INF2: variants seen among roughly 807,000 people sequenced by gnomAD.
INF2 encodes inverted formin-2.
In INF2, 43 loss-of-function variants were observed where a neutral mutation model predicts 123.5. The ratio of observed to expected loss-of-function variants is 0.35; its 90% CI spans 0.27 to 0.45. The LOEUF (loss-of-function observed/expected upper bound fraction) is 0.45. Ranked by LOEUF, INF2 falls within the 20% of genes least tolerant of loss-of-function variation. INF2 has a pLI of 1.00. For missense variants in INF2, 1,453 were observed against 1,682.7 expected, an observed-to-expected ratio of 0.86 and a Z score of 2.39; for synonymous variants, 851 against 745.0, an observed-to-expected ratio of 1.14 and a Z score of -2.32.
At chr14:104,683,764 AG>A (rs1224965097) in intron 1 of INF2, among the ~76,000 whole-genome samples, 1 of 152,080 alleles carries the variant, frequency 6.6e-6, no homozygotes, top group Non-Finnish European at 1.5e-5. Flanking sequence ...CTTCCCTCCA[AG>A]ATCATCAGGC....
Position 104,714,317 on chromosome 14 carries a change from C to A in INF2, c.3155C>A (p.Ala1052Asp), listed in dbSNP as rs967496904. Residue 1052 changes from alanine to aspartate, a missense_variant, in exon 21 of 23, where the codon GCC (alanine) becomes GAC (aspartate). Ala to Asp is a moderately radical substitution (Grantham distance 126, BLOSUM62 -2). Around this residue, in one of 8 missense-constraint regions of INF2, gnomAD observed 344 missense variants for 333.1 expected, o/e 1.03. Transcript: ENST00000392634. The stretch of plus-strand genomic sequence containing the variant: ...TCCCGGGGCTGGGACCTTGTAGACG[C>A]CGTGACCCCCGGCCCTCAGCCCACC... ...SESRGWDLVD[A>D]VTPGPQPTLE... 2 of 1,589,260 alleles carry A rather than the reference C, an allele frequency of 1.3e-6. No homozygotes were observed. The highest frequency in any genetic ancestry group is 2.7e-5 in the African/African-American group (2 of 74,290).
At position 104,703,460 on chromosome 14, in the gene INF2, C is replaced by T. The variant is rs1043164958; in HGVS notation, c.667+6C>T. ...GCTGCGGAACGAGTTTATCGGTAAG[C>T]ACCTGCCCTGGGCCGCATGCCCGCT... On this transcript the variant is annotated splice_donor_region_variant and intron_variant, in intron 4 of 22. Transcript: ENST00000392634. The T allele has an allele frequency of 1.9e-6, 3 of 1,611,150 alleles. No individual in the cohort carries two copies. Among genetic ancestry groups the T allele is most frequent in the Non-Finnish European group, 2.5e-6 (3 of 1,179,934 alleles).
intron 1 of INF2, among the ~76,000 whole-genome samples, chr14:104,683,034 C>G (rs1888565217): frequency 2.2e-5 from 3 of 137,830 alleles, no homozygotes; most frequent in African/African-American, 8.7e-5. Flanking sequence ...CTCAAGCGGT[C>G]CACCCTCCCG....
In INF2 at chr14:104,705,979, C is replaced by T. The variant is rs573841622; in HGVS notation, c.702-56C>T. On this transcript the variant is annotated intron_variant, in intron 5 of 22. Coordinates refer to ENST00000392634, the MANE Select transcript of INF2 (RefSeq NM_022489.4). ...ACTGGCGCTGACCCAGGCTGCCCCGCCTGCGTGTTGGTGGTGGCAGCAGCA... is the reference window on the plus strand; with the variant it reads ...ACTGGCGCTGACCCAGGCTGCCCCGTCTGCGTGTTGGTGGTGGCAGCAGCA... The T allele has an allele frequency of 3.8e-4, 605 of 1,585,828 alleles. 4 individuals carry two copies. The South Asian group carries it at 6.4e-3, about 17-fold the overall frequency.
rs145433784 is a variant in INF2, at chr14:104,699,080, G to T, written c.-9-2277G>T. Among the ~76,000 whole-genome samples the T allele has an allele frequency of 3.6e-3, 548 of 152,260 alleles. 1 individual carries two copies. Among genetic ancestry groups the T allele is most frequent in the African/African-American group, 0.012 (504 of 41,532 alleles). On this transcript the variant is annotated intron_variant, in intron 1 of 22. Coordinates refer to ENST00000392634, the MANE Select transcript of INF2 (RefSeq NM_022489.4). This position sits in a 1 kb window ranked among gnomAD's most constrained non-coding sequence, Gnocchi z 4.7. ...GGAGCGCTGGGCAGTGCCAAGAGGG[G>T]CAGTACTCAGGTCAGGGAGCATCTT... is the stretch of plus-strand genomic sequence containing the variant.
chr14:104,717,295 T>TCC lies in INF2; in HGVS notation c.*2-1492_*2-1491dup, dbSNP rs35581629. On this transcript the variant is annotated intron_variant, in intron 22 of 22. Coordinates refer to ENST00000392634, the MANE Select transcript of INF2 (RefSeq NM_022489.4). Reference sequence around the variant, plus strand: ...GCAGGGTGCGCTGCCGTCCTCCCAGTCCCCCCCCCGGGCAGGGCGCGCTGC... The same window carrying TCC: ...GCAGGGTGCGCTGCCGTCCTCCCAGTCCCCCCCCCCCGGGCAGGGCGCGCTGC... Among the ~76,000 whole-genome samples the TCC allele has an allele frequency of 4.7e-3, 429 of 92,136 alleles. 24 individuals carry two copies. The highest frequency in any genetic ancestry group is 0.015 in the South Asian group (40 of 2,732). The allele number at this position is 92,136 out of a possible 152,430, so 60.4% of individuals were successfully genotyped here. A position where few individuals can be genotyped will look rare whatever the true frequency, so the allele number is the denominator to read the frequency against.
chr14:104,699,728 G>A lies in INF2; in HGVS notation c.-9-1629G>A, dbSNP rs1889381937. ...CCAGGACCCCCTGCAGGGAGGAGGG[G>A]CATCCCAAGGACAGCCTCTCAGGAT... On this transcript the variant is annotated intron_variant, in intron 1 of 22. Coordinates refer to ENST00000392634, the MANE Select transcript of INF2 (RefSeq NM_022489.4). This position sits in a 1 kb window ranked among gnomAD's most constrained non-coding sequence, Gnocchi z 4.7. The A allele has an allele frequency of 5.6e-6, 2 of 356,314 alleles. No homozygotes were observed. Among genetic ancestry groups the A allele is most frequent in the Non-Finnish European group, 3.9e-6 (1 of 254,846 alleles). 22.1% of individuals were successfully genotyped at this position (356,314 alleles called of 1,614,324 possible).
upstream of INF2, chr14:104,684,787 G>A (rs572838817): frequency 6.6e-6 from 1 of 152,390 alleles, no homozygotes; most frequent in South Asian, 2.1e-4. This position sits in a 1 kb window ranked among gnomAD's most constrained non-coding sequence, Gnocchi z 5.0. Flanking sequence ...TTGACAGAGT[G>A]AATGCCGAAC....
chr14:104,718,454 C>A (rs1890417608), intron 22 of INF2, among the ~76,000 whole-genome samples: 1 of 151,404 alleles, frequency 6.6e-6, no homozygotes, highest in Non-Finnish European at 1.5e-5. Flanking sequence ...CAGGGGGTGG[C>A]AGTGGGGATG....
Position 104,709,485 on chromosome 14 carries a change from C to A in INF2, c.2052+102C>A, listed in dbSNP as rs183018552. On this transcript the variant is annotated intron_variant, in intron 11 of 22. Coordinates refer to ENST00000392634, the MANE Select transcript of INF2 (RefSeq NM_022489.4). ...CAGGGAGACAGAGAAGGGAGGCATC[C>A]CAGCCCTACCTCTGCCCTGAACCGT... 1.0e-4 allele frequency: 132 copies of A among 1,267,076 alleles called. No individual in the cohort carries two copies. In the African/African-American group the frequency reaches 1.4e-3, roughly 13 times the overall value. 78.5% of individuals were successfully genotyped at this position (1,267,076 alleles called of 1,614,324 possible).
intron 1 of INF2, 23 bp from the exon 2 acceptor site, chr14:104,701,334 G>A: frequency 6.4e-7 from 1 of 1,552,144 alleles, no homozygotes; most frequent in South Asian, 1.2e-5. Context: ...CCCCGCTGAC[G>A]GCTCCCTGCC....
Position 104,715,270 on chromosome 14 carries a change from TTATTTGGAAGCAGAGGTTC to T in INF2, c.3695-13_3700del. The T allele has an allele frequency of 6.2e-7, 1 of 1,613,380 alleles. No homozygotes were observed. The highest frequency in any genetic ancestry group is 8.5e-7 in the Non-Finnish European group (1 of 1,179,546). Reference sequence around the variant, plus strand: ...TGATAAGCCGTTGAGTGCGTTTCTTTTATTTGGAAGCAGAGGTTCCCCCTGATTCTGATGATAATAAAAC... The same window carrying T: ...TGATAAGCCGTTGAGTGCGTTTCTTTCCCCTGATTCTGATGATAATAAAAC... On this transcript the variant is annotated splice_acceptor_variant and splice_polypyrimidine_tract_variant and coding_sequence_variant and intron_variant, in exon 22 of 23. Coordinates refer to ENST00000392634, the MANE Select transcript of INF2 (RefSeq NM_022489.4). LOFTEE classifies it high-confidence loss of function.
Position 104,690,147 on chromosome 14 carries a change from G to C in INF2, c.-10+408G>C, listed in dbSNP as rs559008152. On this transcript the variant is annotated intron_variant, in intron 1 of 22. Coordinates refer to ENST00000392634, the MANE Select transcript of INF2 (RefSeq NM_022489.4). ...CCGCCCGGGTGGCACCCCGAGGTGC[G>C]CGCCGGCCTGCGGCCCCACCCTGAC... The C allele has an allele frequency of 3.3e-5, 5 of 152,350 alleles. No homozygotes were observed. The South Asian group carries it at 1.0e-3, about 32-fold the overall frequency. 9.4% of individuals were successfully genotyped at this position (152,350 alleles called of 1,614,324 possible). A position where few individuals can be genotyped will look rare whatever the true frequency, so the allele number is the denominator to read the frequency against.
At chr14:104,689,609 C>A (rs1888836786), upstream of INF2, 8 of 854,184 alleles carry the variant, frequency 9.4e-6, no homozygotes, top group Non-Finnish European at 1.1e-5. Context: ...CCCCGCCCGC[C>A]CCGCGCCCGC....
chr14:104,687,459 T>TA (rs1888691563), upstream of INF2, among the ~76,000 whole-genome samples: 2 of 128,142 alleles, frequency 1.6e-5, no homozygotes, highest in Non-Finnish European at 3.5e-5. This position sits in a 1 kb window ranked among gnomAD's most constrained non-coding sequence, Gnocchi z 5.6. Flanking sequence ...CGGCCTCCAC[T>TA]CCACACACAC....
At chr14:104,711,795 A>C in intron 16 of INF2, 96 bp downstream of exon 16, 23 of 1,169,176 alleles carry the variant, frequency 2.0e-5, no homozygotes, top group Non-Finnish European at 2.6e-5. Flanking sequence ...GCTGGGTCTC[A>C]CAGCTGCAGC....
chr14:104,683,323 G>C (rs892648193), intron 1 of INF2, among the ~76,000 whole-genome samples: 1 of 152,192 alleles, frequency 6.6e-6, no homozygotes, highest in Non-Finnish European at 1.5e-5. Context: ...CCTCAGCCTG[G>C]GGCTGCCACT....
Position 104,689,639 on chromosome 14 carries a change from C to T in INF2, c.-110C>T, listed in dbSNP as rs1461879537. 5 of 968,620 alleles carry T rather than the reference C, an allele frequency of 5.2e-6. No individual in the cohort carries two copies. Among genetic ancestry groups the T allele is most frequent in the African/African-American group, 3.5e-5 (2 of 56,760 alleles). The allele number at this position is 968,620 out of a possible 1,614,324, so 60.0% of individuals were successfully genotyped here. On this transcript the variant is annotated 5_prime_UTR_variant, in exon 1 of 23. Transcript: ENST00000392634. ...GCCCGCCAGGAGCCACCGTCCGAGC[C>T]TTGCGGAGCGCGGCAGTGGGCGCCG...
intron 16 of INF2, 121 bp downstream of exon 16, chr14:104,711,820 A>C: frequency 1.2e-6 from 1 of 837,180 alleles, no homozygotes; most frequent in South Asian, 1.6e-5. Flanking sequence ...CCCCGGCGCC[A>C]CGGAGCCCTG....
Sources: allele counts gnomAD v4.1 joint callset (sites outside exome capture counted in the v4.1 genomes callset), GRCh38; gene constraint gnomAD v4.1.1; regional missense constraint gnomAD v4.1.1; non-coding constraint Gnocchi (gnomAD v3.1); transcripts MANE v1.5; gene names NCBI Gene and HGNC (gene_info 2026-07-23, HGNC 2026-07-21).